Variants in ATP12A observed in about 807,000 individuals in gnomAD.
ATP12A encodes the protein ATPase H+/K+ transporting non-gastric alpha2 subunit.
ATP12A carries 81 observed loss-of-function variants against 111.2 expected under a neutral mutation model. The observed-to-expected ratio is 0.73, with a 90% confidence interval of 0.61 to 0.88. The LOEUF is 0.88. Ranked by LOEUF, ATP12A falls within the 40% of genes least tolerant of loss-of-function variation. The pLI, the probability that ATP12A is intolerant of heterozygous loss-of-function variation, is 0.00. For synonymous variants in ATP12A, 498 were observed against 499.8 expected (o/e 1.00, Z 0.05); for missense variants, 1,196 against 1,313.1 (o/e 0.91, Z 1.38).
intron 4 of ATP12A, 71 bp downstream of exon 4, chr13:24,688,593 G>C: frequency 7.1e-7 from 1 of 1,401,128 alleles, no homozygotes; most frequent in Non-Finnish European, 9.5e-7. Context: ...GGGCACAGCT[G>C]GGGGCTGAAT....
chr13:24,700,994 G>T, intron 13 of ATP12A, 72 bp downstream of exon 13: 1 of 1,530,762 alleles, frequency 6.5e-7, no homozygotes, highest in Non-Finnish European at 8.9e-7. Flanking sequence ...GGTTTTCATA[G>T]CAGATGGTCA....
chr13:24,702,131 C>T, intron 14 of ATP12A, 60 bp downstream of exon 14: 1 of 1,603,378 alleles, frequency 6.2e-7, no homozygotes, highest in East Asian at 2.2e-5. Flanking sequence ...CCCACTGGCT[C>T]TAAAGAGCTG....
chr13:24,690,723 T>C lies in ATP12A; in HGVS notation c.799+2T>C. The C allele has an allele frequency of 1.9e-6, 3 of 1,610,894 alleles. No homozygotes were observed. The highest frequency in any genetic ancestry group is 2.5e-6 in the Non-Finnish European group (3 of 1,178,152). Reference sequence around the variant, plus strand: ...TCTATTCCACAACGTGTCTGGAAGGTAAAAGGCCTCTGGCTCTCAGCCCAC... The same window carrying C: ...TCTATTCCACAACGTGTCTGGAAGGCAAAAGGCCTCTGGCTCTCAGCCCAC... On this transcript the variant is annotated splice_donor_variant, in intron 7 of 22. Coordinates refer to ENST00000381946, the MANE Select transcript of ATP12A (RefSeq NM_001676.7). LOFTEE classifies it high-confidence loss of function.
rs375381029 is a variant in ATP12A, at chr13:24,694,583, G to C, written c.1512+5G>C. The stretch of plus-strand genomic sequence containing the variant: ...AACTCTACTAATAAATTTCAGGTGA[G>C]TTTTTCCTCACAACCGGTAATCTCT... On this transcript the variant is annotated splice_donor_5th_base_variant and intron_variant, in intron 11 of 22. Coordinates refer to ENST00000381946, the MANE Select transcript of ATP12A (RefSeq NM_001676.7). The C allele has an allele frequency of 6.2e-7, 1 of 1,612,386 alleles. No individual in the cohort carries two copies. The highest frequency in any genetic ancestry group is 2.2e-5 in the East Asian group (1 of 44,888).
rs1428859338 is a variant in ATP12A, at chr13:24,685,197, T to A, written c.169-117T>A. The A allele has an allele frequency of 1.6e-5, 15 of 945,010 alleles. No homozygotes were observed. Among genetic ancestry groups the A allele is most frequent in the Non-Finnish European group, 1.4e-5 (8 of 588,176 alleles). The allele number at this position is 945,010 out of a possible 1,614,324, so 58.5% of individuals were successfully genotyped here. Reference sequence around the variant, plus strand: ...CTTTCTCTCCTGTCCCCCACACTCCTCGATCCCCTCCCATCCTCAGGGCTG... The same window carrying A: ...CTTTCTCTCCTGTCCCCCACACTCCACGATCCCCTCCCATCCTCAGGGCTG... On this transcript the variant is annotated intron_variant, in intron 2 of 22. Transcript: ENST00000381946. This position sits in a 1 kb window ranked among gnomAD's most constrained non-coding sequence, Gnocchi z 5.5.
At chr13:24,681,452 A>G in intron 1 of ATP12A, 110 bp from the exon 2 acceptor site, 2 of 1,311,014 alleles carry the variant, frequency 1.5e-6, no homozygotes, top group Non-Finnish European at 2.1e-6. Flanking sequence ...AGGGAAGGAA[A>G]GGGAGAAGGG....
In ATP12A at chr13:24,710,413, G is replaced by A. The variant is rs142436464; in HGVS notation, c.2764-47G>A. On this transcript the variant is annotated intron_variant, in intron 19 of 22. Transcript: ENST00000381946. ...AGAACTGCATTGGAATTTCCTAGAAGTTTTCCTTTAGGCCTCAAGGTCTCT... is the reference window on the plus strand; with the variant it reads ...AGAACTGCATTGGAATTTCCTAGAAATTTTCCTTTAGGCCTCAAGGTCTCT... 7,211 of 1,605,412 alleles carry A rather than the reference G, an allele frequency of 4.5e-3. 51 individuals are homozygous for A. The highest frequency in any genetic ancestry group is 4.4e-3 in the Non-Finnish European group (5,211 of 1,176,400).
intron 13 of ATP12A, 31 bp from the exon 14 acceptor site, chr13:24,701,904 C>T: frequency 1.2e-6 from 2 of 1,613,984 alleles, no homozygotes; most frequent in South Asian, 1.1e-5. Flanking sequence ...TTCTTCATTA[C>T]CCGTGGGCCT....
Position 24,692,748 on chromosome 13 carries a change from C to G in ATP12A, c.1268-39C>G, listed in dbSNP as rs963985. On this transcript the variant is annotated intron_variant, in intron 9 of 22. Coordinates refer to ENST00000381946, the MANE Select transcript of ATP12A (RefSeq NM_001676.7). ...GGACAGTGACTCATGGACGGCCAGC[C>G]CAACCCACAGCAGCCACTGTTCTTT... 1.9e-6 allele frequency: 3 copies of G among 1,607,806 alleles called. No homozygotes were observed. In the South Asian group the frequency reaches 3.3e-5, roughly 18 times the overall value.
At chr13:24,686,694 G>A (rs888801921) in intron 3 of ATP12A, among the ~76,000 whole-genome samples, 4 of 151,184 alleles carry the variant, frequency 2.6e-5, no homozygotes, top group Admixed American at 1.3e-4. Flanking sequence ...AGCGGAGATC[G>A]CGCCACTGCC....
rs1280640532 is a variant in ATP12A, at chr13:24,685,037, G to A, written c.169-277G>A. Among the ~76,000 whole-genome samples, 1 of 152,220 alleles carries A rather than the reference G, an allele frequency of 6.6e-6. No individual in the cohort carries two copies. The highest frequency in any genetic ancestry group is 2.4e-5 in the African/African-American group (1 of 41,458). The stretch of plus-strand genomic sequence containing the variant: ...TGCCCTGGAGTTCAGATTGAAGCGA[G>A]GTGCATGGCTTTGTTCAGAAAAGCT... On this transcript the variant is annotated intron_variant, in intron 2 of 22. Transcript: ENST00000381946. The surrounding 1 kb of genome is among the most constrained non-coding windows in gnomAD (Gnocchi z 5.5).
chr13:24,688,458 C>G lies in ATP12A; in HGVS notation c.368C>G (p.Ala123Gly). The G allele has an allele frequency of 6.8e-6, 11 of 1,613,862 alleles. No individual in the cohort carries two copies. The highest frequency in any genetic ancestry group is 9.3e-6 in the Non-Finnish European group (11 of 1,179,918). ...TTCTCTATCCTCCTGTGGGTGGGCG[C>G]CTTTCTCTGTTGGATTGCATATGGG... ...GGFSILLWVG[A>G]FLCWIAYGIQ... The change falls in exon 4 of 23, where the codon GCC (alanine) becomes GGC (glycine). Residue 123 changes from alanine to glycine, a missense_variant. This residue lies in a region of ATP12A where 1,126 missense variants were observed against 1,228.5 expected (regional missense o/e 0.92). Coordinates refer to ENST00000381946, the MANE Select transcript of ATP12A (RefSeq NM_001676.7).
Position 24,709,620 on chromosome 13 carries a change from C to T in ATP12A, c.2618-63C>T, listed in dbSNP as rs1042700072. The T allele has an allele frequency of 6.3e-6, 10 of 1,598,364 alleles. No individual in the cohort carries two copies. In the South Asian group the frequency reaches 6.6e-5, roughly 11 times the overall value. On this transcript the variant is annotated intron_variant, in intron 18 of 22. Coordinates refer to ENST00000381946, the MANE Select transcript of ATP12A (RefSeq NM_001676.7). ...GGAGGGAGGGGGAACCGAGAGTAGA[C>T]AGGATGAGGCAGTTTCCTGAGGCCA...
intron 14 of ATP12A, chr13:24,703,513 C>T (rs1875485644): frequency 6.6e-6 from 1 of 152,222 alleles, no homozygotes; most frequent in Admixed American, 6.5e-5. Flanking sequence ...AAGTGCTGGG[C>T]TTACAGGCGT....
chr13:24,711,590 C>T lies in ATP12A; in HGVS notation c.*68C>T, dbSNP rs1875975022. 1 of 1,600,568 alleles carries T rather than the reference C, an allele frequency of 6.2e-7. No homozygotes were observed. Among genetic ancestry groups the T allele is most frequent in the Admixed American group, 1.7e-5 (1 of 59,944 alleles). ...CACTTGTTCATCTTCTGACCGTTTG[C>T]TGGGCTATTCCCCTGCAGTGCAGAC... is the stretch of plus-strand genomic sequence containing the variant. On this transcript the variant is annotated 3_prime_UTR_variant, in exon 23 of 23. Transcript: ENST00000381946.
intron 11 of ATP12A, among the ~76,000 whole-genome samples, chr13:24,697,285 C>T (rs1443827680): frequency 2.0e-5 from 3 of 152,126 alleles, no homozygotes; most frequent in Non-Finnish European, 2.9e-5. Context: ...CAGTGCCTGG[C>T]ACGTGGTACA....
intron 11 of ATP12A, among the ~76,000 whole-genome samples, chr13:24,696,034 A>G (rs1875137916): frequency 6.6e-6 from 1 of 152,148 alleles, no homozygotes; most frequent in Non-Finnish European, 1.5e-5. Context: ...AAGAAACCAC[A>G]TCTCTTACGT....
intron 8 of ATP12A, among the ~76,000 whole-genome samples, chr13:24,692,158 C>A (rs758650018): frequency 6.6e-6 from 1 of 152,174 alleles, no homozygotes; most frequent in Non-Finnish European, 1.5e-5. Context: ...TCCGTGTTTG[C>A]TGCCCGTGGG....
intron 2 of ATP12A, among the ~76,000 whole-genome samples, chr13:24,683,704 A>G (rs1302452138): frequency 3.9e-5 from 6 of 152,214 alleles, no homozygotes; most frequent in Non-Finnish European, 7.3e-5. Flanking sequence ...TTTGAAAAAC[A>G]TAAGATTTTT....
Sources: gnomAD v4.1 joint callset for allele counts (sites outside exome capture counted in the v4.1 genomes callset) on GRCh38, gnomAD v4.1.1 for gene constraint, gnomAD v4.1.1 regional missense constraint, Gnocchi (gnomAD v3.1) non-coding constraint, MANE v1.5 for transcripts, NCBI Gene and HGNC (gene_info 2026-07-23, HGNC 2026-07-21) for gene names.